GPM6A: variants seen among roughly 807,000 people sequenced by gnomAD.
The protein encoded by GPM6A is neuronal membrane glycoprotein M6-a.
GPM6A carries 7 observed loss-of-function variants against 32.1 expected under a neutral mutation model. The observed-to-expected ratio is 0.22, with a 90% confidence interval of 0.12 to 0.41. The LOEUF (loss-of-function observed/expected upper bound fraction) is 0.41, where lower values mean the gene tolerates loss of function less well. GPM6A is among the 10% of genes least tolerant of loss of function. The pLI, the probability that GPM6A is intolerant of heterozygous loss-of-function variation, is 1.00. For synonymous variants in GPM6A, 130 were observed against 123.4 expected (o/e 1.05, Z -0.35); for missense variants, 235 against 347.2 (o/e 0.68, Z 2.57).
intron 4 of GPM6A, among the ~76,000 whole-genome samples, chr4:175,649,164 G>C (rs1034221752): frequency 2.0e-5 from 3 of 152,082 alleles, no homozygotes; most frequent in African/African-American, 4.8e-5. Context: ...TCATTTCTTA[G>C]GGCTCCATTT....
chr4:175,649,696 C>T (rs536376999), intron 4 of GPM6A, among the ~76,000 whole-genome samples: 4 of 152,080 alleles, frequency 2.6e-5, no homozygotes, highest in South Asian at 2.1e-4. Flanking sequence ...AAGATTAAAC[C>T]GAAGCTCTGA....
At chr4:175,728,653 T>A (rs1453136266) in intron 1 of GPM6A, among the ~76,000 whole-genome samples, 1 of 152,214 alleles carries the variant, frequency 6.6e-6, no homozygotes, top group Non-Finnish European at 1.5e-5. Flanking sequence ...ACTTCCCACC[T>A]ATCCCTTGAC....
chr4:175,761,379 A>G (rs928227703), intron 1 of GPM6A, among the ~76,000 whole-genome samples: 12 of 152,166 alleles, frequency 7.9e-5, no homozygotes, highest in African/African-American at 2.2e-4. Context: ...GGCATGAGCC[A>G]CCGGGCCCAG....
At chr4:175,901,474 G>A (rs1381187793) in intron 1 of GPM6A, among the ~76,000 whole-genome samples, 1 of 151,100 alleles carries the variant, frequency 6.6e-6, no homozygotes, top group South Asian at 2.1e-4. Flanking sequence ...AAATGAGATA[G>A]GATTATAACA....
chr4:175,650,289 TATTTATTTATTTATTTATTTA>T (rs1459728460), intron 4 of GPM6A, among the ~76,000 whole-genome samples: 7 of 65,258 alleles, frequency 1.1e-4, no homozygotes, highest in Non-Finnish European at 1.4e-4. Context: ...TTTATTTATT[TATTTATTTATTTATTTATTTA>T]TTTATTTATT....
intron 1 of GPM6A, among the ~76,000 whole-genome samples, chr4:175,838,847 G>T (rs1437246799): frequency 6.6e-6 from 1 of 151,732 alleles, no homozygotes; most frequent in Non-Finnish European, 1.5e-5. Context: ...TAAAGATGGG[G>T]TTTCACCATG....
In GPM6A at chr4:175,776,894, T is replaced by C. The variant is rs543831298; in HGVS notation, c.37+35297A>G. Among the ~76,000 whole-genome samples, 17 of 152,232 alleles carry C rather than the reference T, an allele frequency of 1.1e-4. 1 individual carries two copies. Among genetic ancestry groups the C allele is most frequent in the Admixed American group, 9.8e-4 (15 of 15,286 alleles). On this transcript the variant is annotated intron_variant, in intron 1 of 6. Coordinates refer to ENST00000393658, the MANE Select transcript of GPM6A (RefSeq NM_201591.3). ...TAGTGAGGTAAGTCTCCAAATCTCA[T>C]AGTGTCAAGGCCTACGTATGCAAAT...
chr4:175,667,601 C>G (rs751406946), intron 3 of GPM6A, among the ~76,000 whole-genome samples: 3 of 152,062 alleles, frequency 2.0e-5, no homozygotes, highest in Non-Finnish European at 2.9e-5. Flanking sequence ...TTAATTGTAG[C>G]AAATATACCA....
chr4:175,687,672 C>T (rs1037432862), intron 2 of GPM6A, among the ~76,000 whole-genome samples: 4 of 151,940 alleles, frequency 2.6e-5, no homozygotes, highest in African/African-American at 9.7e-5. Context: ...CTGATATGAA[C>T]TCTTTTGTAT....
chr4:175,957,516 G>A (rs1208349733), intron 1 of GPM6A, among the ~76,000 whole-genome samples: 3 of 137,650 alleles, frequency 2.2e-5, no homozygotes, highest in African/African-American at 5.3e-5. Flanking sequence ...TGAACAATGA[G>A]AACACATGGA....
chr4:175,788,004 T>C (rs1439273959), intron 1 of GPM6A: 2 of 152,312 alleles, frequency 1.3e-5, no homozygotes, highest in African/African-American at 2.4e-5. Context: ...TGTTTCATCT[T>C]TTCTTCCCCA....
At position 175,737,363 on chromosome 4, in the gene GPM6A, C is replaced by T. The variant is rs187983973; in HGVS notation, c.38-35596G>A. On this transcript the variant is annotated intron_variant, in intron 1 of 6. Transcript: ENST00000393658. ...AATCCTGCACGCCTGTAATCCTGTA[C>T]GCCTGTAATCCTGCATGCCTGTAAT... Among the ~76,000 whole-genome samples, 217 of 152,066 alleles carry T rather than the reference C, an allele frequency of 1.4e-3. 3 individuals are homozygous for T. Among genetic ancestry groups the T allele is most frequent in the African/African-American group, 4.9e-3 (203 of 41,502 alleles).
rs187337093 is a variant in GPM6A at position 175,933,638 on chromosome 4, G to A, written c.-23+68671C>T. Among the ~76,000 whole-genome samples the A allele has an allele frequency of 6.2e-4, 95 of 152,214 alleles. 2 individuals are homozygous for A. The highest frequency in any genetic ancestry group is 7.4e-5 in the Non-Finnish European group (5 of 68,022). Reference sequence around the variant, plus strand: ...GCTCACTGCAAGCTCCGCCTCCCGAGTTCATGCCATTCTTCTGCCTCAGCC... The same window carrying A: ...GCTCACTGCAAGCTCCGCCTCCCGAATTCATGCCATTCTTCTGCCTCAGCC... On this transcript the variant is annotated intron_variant, in intron 1 of 7. Transcript: ENST00000280187.
chr4:175,945,948 A>G (rs1467470282), intron 1 of GPM6A, among the ~76,000 whole-genome samples: 2 of 152,052 alleles, frequency 1.3e-5, no homozygotes, highest in Non-Finnish European at 2.9e-5. Flanking sequence ...ATACGGGTGC[A>G]TATTACTTAG....
chr4:175,939,493 A>T (rs1391207261), intron 1 of GPM6A, among the ~76,000 whole-genome samples: 1 of 152,236 alleles, frequency 6.6e-6, no homozygotes, highest in African/African-American at 2.4e-5. Context: ...ACAAGTTAAA[A>T]GTACTAAATA....
intron 3 of GPM6A, chr4:175,654,453 C>T (rs934353622): frequency 1.3e-5 from 2 of 152,104 alleles, no homozygotes; most frequent in African/African-American, 2.4e-5. Context: ...ACATAAGAAG[C>T]TCTGACAAAA....
intron 1 of GPM6A, among the ~76,000 whole-genome samples, chr4:175,730,973 A>G (rs1308082867): frequency 6.6e-6 from 1 of 151,858 alleles, no homozygotes; most frequent in Non-Finnish European, 1.5e-5. Context: ...ATCTTTTTCC[A>G]CCAACCTCCT....
intron 1 of GPM6A, among the ~76,000 whole-genome samples, chr4:175,850,447 C>T (rs573447830): frequency 7.2e-5 from 11 of 152,010 alleles, no homozygotes; most frequent in South Asian, 6.2e-4. Flanking sequence ...TAAAGGATGA[C>T]GTCAGGAAAA....
intron 1 of GPM6A, among the ~76,000 whole-genome samples, chr4:175,818,396 A>T (rs1367537464): frequency 6.6e-6 from 1 of 152,236 alleles, no homozygotes; most frequent in African/African-American, 2.4e-5. Context: ...ACATGCCATT[A>T]CAGAGCTATT....
Sources: gnomAD v4.1 joint callset for allele counts (sites outside exome capture counted in the v4.1 genomes callset) on GRCh38, gnomAD v4.1.1 for gene constraint, MANE v1.5 for transcripts, NCBI Gene and HGNC (gene_info 2026-07-23, HGNC 2026-07-21) for gene names.